Variants in PPP2R2B observed in about 807,000 individuals in gnomAD.
PPP2R2B encodes the protein protein phosphatase 2 regulatory subunit Bbeta, also known as serine/threonine-protein phosphatase 2A 55 kDa regulatory subunit B beta isoform.
Under a neutral mutation model 46.0 loss-of-function variants are expected in PPP2R2B, and 5 were observed. The observed-to-expected ratio is 0.11, with a 90% confidence interval of 0.06 to 0.23. The LOEUF is 0.23. PPP2R2B is among the 10% of genes least tolerant of loss of function. PPP2R2B has a pLI of 1.00. For missense variants in PPP2R2B, 367 were observed against 575.0 expected (o/e 0.64, Z 3.70); for synonymous variants, 215 against 206.7 (o/e 1.04, Z -0.34).
At chr5:146,778,724 G>A (rs564718506) in intron 2 of PPP2R2B, among the ~76,000 whole-genome samples, 1 of 152,260 alleles carries the variant, frequency 6.6e-6, no homozygotes, top group South Asian at 2.1e-4. Context: ...TATAAAGCAG[G>A]GGTAAATGAC....
chr5:146,720,227 A>G (rs1780718956), intron 2 of PPP2R2B, among the ~76,000 whole-genome samples: 1 of 152,246 alleles, frequency 6.6e-6, no homozygotes. Flanking sequence ...CTGCAAGTGC[A>G]AGTATGGAAT....
intron 1 of PPP2R2B, among the ~76,000 whole-genome samples, chr5:147,036,196 G>T (rs371912584): frequency 1.3e-5 from 2 of 152,102 alleles, no homozygotes; most frequent in African/African-American, 4.8e-5. Flanking sequence ...ACCCCAGTGT[G>T]TGTTGTTCCC....
At chr5:146,804,340 C>T (rs1757045471) in intron 2 of PPP2R2B, among the ~76,000 whole-genome samples, 1 of 152,070 alleles carries the variant, frequency 6.6e-6, no homozygotes, top group African/African-American at 2.4e-5. Flanking sequence ...GAATCCGATG[C>T]TTAGAGAAGA....
upstream of PPP2R2B, chr5:146,878,821 C>T (rs978197072): frequency 4.0e-5 from 51 of 1,264,336 alleles, no homozygotes; most frequent in Non-Finnish European, 5.0e-5. This position sits in a 1 kb window ranked among gnomAD's most constrained non-coding sequence, Gnocchi z 4.5. Context: ...TCAGCAGCCC[C>T]ACGACTCTTT....
chr5:146,651,991 T>C (rs1224096618), intron 5 of PPP2R2B, among the ~76,000 whole-genome samples: 6 of 152,166 alleles, frequency 3.9e-5, no homozygotes, highest in Non-Finnish European at 8.8e-5. Context: ...ACAGATGTGG[T>C]ACTTGATAAC....
At chr5:146,609,571 A>T (rs1167562282) in intron 7 of PPP2R2B, among the ~76,000 whole-genome samples, 2 of 151,152 alleles carry the variant, frequency 1.3e-5, no homozygotes, top group Non-Finnish European at 1.5e-5. Flanking sequence ...CTGCATTTCC[A>T]TCTGAGGTAC....
intron 2 of PPP2R2B, among the ~76,000 whole-genome samples, chr5:147,061,853 C>A (rs899706692): frequency 6.6e-6 from 1 of 152,098 alleles, no homozygotes; most frequent in Non-Finnish European, 1.5e-5. Context: ...ATGTTTTGCA[C>A]CAAATTTTAT....
At chr5:146,835,131 A>G (rs568196554) in intron 2 of PPP2R2B, among the ~76,000 whole-genome samples, 53 of 152,318 alleles carry the variant, frequency 3.5e-4, no homozygotes, top group Middle Eastern at 3.4e-3. Context: ...CAGAAATCAT[A>G]ATGAAAAATA....
chr5:146,701,252 A>C (rs1287515807), intron 2 of PPP2R2B, 110 bp from the exon 3 acceptor site: 5 of 999,208 alleles, frequency 5.0e-6, no homozygotes, highest in Non-Finnish European at 8.0e-6. Context: ...TTGTCTCTGC[A>C]GTGGAATTTA....
chr5:147,008,672 C>T (rs560343021), intron 1 of PPP2R2B, among the ~76,000 whole-genome samples: 2 of 152,150 alleles, frequency 1.3e-5, no homozygotes, highest in Non-Finnish European at 2.9e-5. Flanking sequence ...CTCAACCCCA[C>T]CCCCCACTCC....
chr5:146,977,542 T>C (rs1004786183), intron 1 of PPP2R2B, among the ~76,000 whole-genome samples: 4 of 152,000 alleles, frequency 2.6e-5, no homozygotes, highest in Non-Finnish European at 5.9e-5. Context: ...CACCCACCAA[T>C]AGGCCCTGGT....
At chr5:146,863,589 C>T (rs942238960) in intron 2 of PPP2R2B, among the ~76,000 whole-genome samples, 2 of 152,058 alleles carry the variant, frequency 1.3e-5, no homozygotes, top group African/African-American at 4.8e-5. Flanking sequence ...GCAACTGGGT[C>T]ACCTACTAAC....
chr5:146,902,417 C>T lies in PPP2R2B; in HGVS notation c.79+153248G>A, dbSNP rs1457059628. 2.0e-5 allele frequency among the ~76,000 whole-genome samples: 3 copies of T among 152,164 alleles called. No homozygotes were observed. The East Asian group carries it at 5.8e-4, about 29-fold the overall frequency. On this transcript the variant is annotated intron_variant, in intron 1 of 8. Coordinates refer to the PPP2R2B transcript ENST00000336640. ...ACTCATCTAATATAAATAATAATAGCAATAATAATATTGCTACTACCCACA... is the reference window on the plus strand; with the variant it reads ...ACTCATCTAATATAAATAATAATAGTAATAATAATATTGCTACTACCCACA...
intron 2 of PPP2R2B, among the ~76,000 whole-genome samples, chr5:146,835,829 T>C (rs1447256163): frequency 1.3e-5 from 2 of 152,180 alleles, no homozygotes; most frequent in Non-Finnish European, 2.9e-5. Flanking sequence ...CAGAAACTAC[T>C]TTATTGTAAA....
rs149719927 is a variant in PPP2R2B at position 146,806,434 on chromosome 5, C to T, written c.70+71568G>A. Among the ~76,000 whole-genome samples the T allele has an allele frequency of 4.0e-3, 607 of 152,150 alleles. 9 individuals are homozygous for T. The highest frequency in any genetic ancestry group is 0.014 in the African/African-American group (580 of 41,498). On this transcript the variant is annotated intron_variant, in intron 2 of 9. Transcript: ENST00000394411. ...TGTGTATAACCTTTAAGGTATTGCT[C>T]AGCTTGTAAAATGCCTCTAGAATCT...
chr5:146,965,185 C>T (rs1752349057), intron 1 of PPP2R2B, among the ~76,000 whole-genome samples: 1 of 152,146 alleles, frequency 6.6e-6, no homozygotes, highest in African/African-American at 2.4e-5. Context: ...AGAAAATCAT[C>T]CACCAACTCC....
intron 2 of PPP2R2B, among the ~76,000 whole-genome samples, chr5:146,716,068 T>C (rs1224400332): frequency 6.6e-6 from 1 of 152,194 alleles, no homozygotes; most frequent in Non-Finnish European, 1.5e-5. Context: ...TGAGACAGCA[T>C]GTCCCTTGTG....
At chr5:147,048,806 T>C (rs887162278) in intron 1 of PPP2R2B, among the ~76,000 whole-genome samples, 1 of 152,186 alleles carries the variant, frequency 6.6e-6, no homozygotes, top group Non-Finnish European at 1.5e-5. Context: ...AATATAAACA[T>C]TCACTCATAC....
At chr5:146,878,969 A>C, upstream of PPP2R2B, 1 of 1,083,106 alleles carries the variant, frequency 9.2e-7, no homozygotes, top group East Asian at 5.6e-5. This position sits in a 1 kb window ranked among gnomAD's most constrained non-coding sequence, Gnocchi z 4.5. Context: ...CGCTCTTCCA[A>C]CCTCCTCCCC....
Sources: gnomAD v4.1 joint callset for allele counts (sites outside exome capture counted in the v4.1 genomes callset) on GRCh38, gnomAD v4.1.1 for gene constraint, Gnocchi (gnomAD v3.1) non-coding constraint, MANE v1.5 for transcripts, NCBI Gene and HGNC (gene_info 2026-07-23, HGNC 2026-07-21) for gene names.